The following ABCC1 variants were observed in gnomAD, a reference collection of about 807,000 sequenced individuals.
ABCC1 encodes ATP binding cassette subfamily C member 1 (ABCC1 blood group).
A neutral mutation model predicts 172.9 loss-of-function variants in ABCC1; 83 were observed. The observed-to-expected ratio is 0.48, with a 90% CI of 0.40 to 0.58. The LOEUF (loss-of-function observed/expected upper bound fraction) is 0.58, where lower values mean the gene tolerates loss of function less well. ABCC1 is among the 20% of genes least tolerant of loss of function. The pLI, the probability that ABCC1 is intolerant of heterozygous loss-of-function variation, is 0.00. For missense variants in ABCC1, 1,817 were observed against 2,002.7 expected, an observed-to-expected ratio of 0.91 and a Z score of 1.77; for synonymous variants, 937 against 825.2, an observed-to-expected ratio of 1.14 and a Z score of -2.32.
At chr16:16,019,962 C>G (rs930855098) in intron 5 of ABCC1, among the ~76,000 whole-genome samples, 1 of 152,150 alleles carries the variant, frequency 6.6e-6, no homozygotes, top group Non-Finnish European at 1.5e-5. Context: ...CTCGCTCTGT[C>G]GCCAAGGCTG....
At position 16,136,463 on chromosome 16, in the gene ABCC1, CTT is replaced by C; in HGVS notation, c.4126-14_4126-13del. ...ACAGGTGTCACATGCCGTCCACTCT[CTT>C]CTCTCTGAACAGGACCCTGTTTTGT... is the stretch of plus-strand genomic sequence containing the variant. On this transcript the variant is annotated splice_polypyrimidine_tract_variant and intron_variant, in intron 28 of 30. Transcript: ENST00000399410. 2 of 1,613,584 alleles carry C rather than the reference CTT, an allele frequency of 1.2e-6. No homozygotes were observed. The highest frequency in any genetic ancestry group is 2.2e-5 in the South Asian group (2 of 91,018).
At position 16,048,168 on chromosome 16, in the gene ABCC1, A is replaced by G. The variant is rs773438933; in HGVS notation, c.1245A>G (p.Arg415=). The G allele has an allele frequency of 9.3e-6, 15 of 1,614,186 alleles. No homozygotes were observed. The East Asian group carries it at 3.1e-4, about 34-fold the overall frequency. ...RKALVITNSA[R]KSSTVGEIVN... is the part of the protein sequence containing the mutation. ...CCCTGGTGATCACCAATTCAGCCAG[A>G]AAATCCTCCACGGTCGGGGAGATTG... The change falls in exon 10 of 31, where the codon AGA becomes AGG. Residue 415 remains arginine (R), a synonymous_variant. Transcript: ENST00000399410.
At chr16:16,026,460 A>AT (rs1173088184) in intron 5 of ABCC1, among the ~76,000 whole-genome samples, 1 of 39,026 alleles carries the variant, frequency 2.6e-5, no homozygotes, top group Non-Finnish European at 6.1e-5. Context: ...AAAAAAGGCT[A>AT]TTTCCTTTTT....
chr16:16,055,222 G>C (rs528651141), intron 11 of ABCC1, among the ~76,000 whole-genome samples: 114 of 151,166 alleles, frequency 7.5e-4, no homozygotes, highest in African/African-American at 2.6e-3. Flanking sequence ...AGAGTGAGAT[G>C]ATGTTTCCAA....
chr16:16,037,281 T>G (rs1016456915), intron 7 of ABCC1, among the ~76,000 whole-genome samples: 4 of 152,122 alleles, frequency 2.6e-5, no homozygotes, highest in Non-Finnish European at 5.9e-5. Context: ...ACCACGTAAG[T>G]CTGTTTAGCC....
intron 19 of ABCC1, among the ~76,000 whole-genome samples, chr16:16,095,523 G>A (rs1567397936): frequency 6.6e-6 from 1 of 152,040 alleles, no homozygotes; most frequent in South Asian, 2.1e-4. Flanking sequence ...CCCTTACCCT[G>A]CCCCCCGTGA....
rs141796825 is a variant in ABCC1 at position 15,969,561 on chromosome 16, C to T, written c.48+19762C>T. Among the ~76,000 whole-genome samples the T allele has an allele frequency of 7.5e-3, 1,129 of 151,218 alleles. 23 individuals carry two copies. The highest frequency in any genetic ancestry group is 0.026 in the African/African-American group (1,054 of 41,110). ...CTACTTTTTGTATTTTTAGTAGAGA[C>T]GGGTTTTGCCATGTTGGCCAGGCTG... On this transcript the variant is annotated intron_variant, in intron 1 of 30. Coordinates refer to ENST00000399410, the MANE Select transcript of ABCC1 (RefSeq NM_004996.4).
chr16:15,977,605 T>A (rs939926088), intron 1 of ABCC1, among the ~76,000 whole-genome samples: 2 of 152,122 alleles, frequency 1.3e-5, no homozygotes, highest in Non-Finnish European at 2.9e-5. Flanking sequence ...CCTGTCTCCA[T>A]GTTGGCAAAT....
At position 16,134,330 on chromosome 16, in the gene ABCC1, TG is replaced by T; in HGVS notation, c.3967-17del. The T allele has an allele frequency of 1.9e-6, 3 of 1,613,708 alleles. No homozygotes were observed. Among genetic ancestry groups the T allele is most frequent in the Non-Finnish European group, 2.5e-6 (3 of 1,179,890 alleles). On this transcript the variant is annotated intron_variant, in intron 27 of 30. Transcript: ENST00000399410. ...CGGATGCCAGCATTCCCACCACACC[TG>T]GGCCCTTCTGTCCTGCAGGTCGGCA...
Position 16,125,923 on chromosome 16 carries a change from C to T in ABCC1, c.3819+12C>T, listed in dbSNP as rs770457848. 1.2e-6 allele frequency: 2 copies of T among 1,605,948 alleles called. No individual in the cohort carries two copies. The highest frequency in any genetic ancestry group is 1.1e-5 in the South Asian group (1 of 90,666). ...AGACTGAGAAGGAGGTAGGCAAGGG[C>T]CCCTGGCTGGACCTCTTGGTCTTTG... On this transcript the variant is annotated intron_variant, in intron 26 of 30. Coordinates refer to ENST00000399410, the MANE Select transcript of ABCC1 (RefSeq NM_004996.4).
At chr16:16,030,116 G>A (rs1053611149) in intron 5 of ABCC1, among the ~76,000 whole-genome samples, 1 of 152,196 alleles carries the variant, frequency 6.6e-6, no homozygotes, top group Non-Finnish European at 1.5e-5. Context: ...TTTGGGAAAG[G>A]TGGAGAAAAT....
At chr16:16,115,815 T>C (rs2044835302) in intron 23 of ABCC1, among the ~76,000 whole-genome samples, 1 of 152,122 alleles carries the variant, frequency 6.6e-6, no homozygotes, top group Non-Finnish European at 1.5e-5. Flanking sequence ...GGCAGCTTCA[T>C]GAGTTTAATA....
intron 1 of ABCC1, among the ~76,000 whole-genome samples, chr16:15,995,340 A>G (rs2047020015): frequency 1.3e-5 from 2 of 152,210 alleles, no homozygotes; most frequent in African/African-American, 4.8e-5. Context: ...TTCTATAGAC[A>G]GAAGAAGGCG....
At chr16:16,067,269 C>T (rs780986458) in intron 12 of ABCC1, among the ~76,000 whole-genome samples, 88 of 152,186 alleles carry the variant, frequency 5.8e-4, no homozygotes, top group Admixed American at 9.8e-4. Context: ...CTCTTGACAT[C>T]GGAGCCTGGA....
Position 16,016,591 on chromosome 16 carries a change from A to C in ABCC1, c.585A>C (p.Ser195=). The C allele has an allele frequency of 6.2e-7, 1 of 1,613,732 alleles. No homozygotes were observed. Reference sequence around the variant, plus strand: ...TCTTGTCCTGTTTCTCAGATCGCTCACCCCTGTTCTCGGAAACCATCCACG... The same window carrying C: ...TCTTGTCCTGTTTCTCAGATCGCTCCCCCCTGTTCTCGGAAACCATCCACG... ...QLVLSCFSDR[S]PLFSETIHDP... Residue 195 remains serine (S), a synonymous_variant, in exon 5 of 31, where the codon TCA becomes TCC. Transcript: ENST00000399410.
At chr16:16,047,647 C>T (rs1267520061) in intron 9 of ABCC1, among the ~76,000 whole-genome samples, 4 of 151,918 alleles carry the variant, frequency 2.6e-5, no homozygotes, top group Non-Finnish European at 4.4e-5. Context: ...CGCAGGACAG[C>T]CCCCCAAAGA....
At chr16:16,033,316 C>A in intron 6 of ABCC1, 146 bp downstream of exon 6, 1 of 764,568 alleles carries the variant, frequency 1.3e-6, no homozygotes, top group Non-Finnish European at 2.2e-6. Context: ...CTGTGCTGGC[C>A]ATGTGGTCTC....
At chr16:16,069,169 A>AAAATAAATAAAT (rs56098532) in intron 13 of ABCC1, among the ~76,000 whole-genome samples, 4 of 107,514 alleles carry the variant, frequency 3.7e-5, no homozygotes, top group Non-Finnish European at 7.6e-5. Context: ...AAATAAAATA[A>AAAATAAATAAAT]AAATAAATAA....
chr16:16,113,098 C>G (rs1365922365), intron 22 of ABCC1, among the ~76,000 whole-genome samples: 1 of 152,176 alleles, frequency 6.6e-6, no homozygotes, highest in Non-Finnish European at 1.5e-5. Flanking sequence ...GCACCAGTGT[C>G]TCAGGATCTC....
Sources: allele counts gnomAD v4.1 joint callset (sites outside exome capture counted in the v4.1 genomes callset), GRCh38; gene constraint gnomAD v4.1.1; transcripts MANE v1.5; gene names NCBI Gene and HGNC (gene_info 2026-07-23, HGNC 2026-07-21).